The following ERBB4 variants were observed in gnomAD, a reference collection of about 807,000 sequenced individuals.
ERBB4 encodes the protein erb-b2 receptor tyrosine kinase 4, also known as receptor tyrosine-protein kinase erbB-4.
In ERBB4, 42 loss-of-function variants were observed where a neutral mutation model predicts 158.0. The ratio of observed to expected loss-of-function variants is 0.27; its 90% CI spans 0.21 to 0.34. The LOEUF (loss-of-function observed/expected upper bound fraction) is 0.34, where lower values mean the gene tolerates loss of function less well. ERBB4 is among the 10% of genes least tolerant of loss of function. The pLI is 1.00. For synonymous variants in ERBB4, 583 were observed against 558.7 expected (o/e 1.04, Z -0.61); for missense variants, 1,333 against 1,624.1 (o/e 0.82, Z 3.08).
intron 16 of ERBB4, among the ~76,000 whole-genome samples, chr2:211,640,222 T>G (rs75075774): frequency 6.6e-6 from 1 of 152,168 alleles, no homozygotes; most frequent in African/African-American, 2.4e-5. Context: ...GAAGTATCAC[T>G]ACTCTTTATT....
At chr2:211,741,483 T>A (rs2074795600) in intron 5 of ERBB4, among the ~76,000 whole-genome samples, 1 of 87,578 alleles carries the variant, frequency 1.1e-5, no homozygotes, top group Admixed American at 1.1e-4. Context: ...ACACACACAC[T>A]AGATGACAGA....
chr2:211,773,993 A>C (rs976258510), intron 4 of ERBB4, among the ~76,000 whole-genome samples: 2 of 151,922 alleles, frequency 1.3e-5, no homozygotes, highest in African/African-American at 4.8e-5. Flanking sequence ...CGTTGATCAA[A>C]TTACTGGGTC....
chr2:211,715,389 A>T (rs1302291031), intron 7 of ERBB4, among the ~76,000 whole-genome samples: 1 of 152,198 alleles, frequency 6.6e-6, no homozygotes, highest in Non-Finnish European at 1.5e-5. Context: ...TGATTTTGAG[A>T]CTACTCCTTA....
intron 1 of ERBB4, among the ~76,000 whole-genome samples, chr2:212,464,892 T>TCACACACACACACACACACA (rs148243973): frequency 6.8e-6 from 1 of 146,046 alleles, no homozygotes; most frequent in African/African-American, 2.5e-5. Flanking sequence ...AAGGGAAACA[T>TCACACACACACACACACACA]CACACACACA....
intron 1 of ERBB4, among the ~76,000 whole-genome samples, chr2:212,230,499 T>C (rs776330117): frequency 3.3e-5 from 5 of 152,310 alleles, no homozygotes; most frequent in Non-Finnish European, 5.9e-5. Flanking sequence ...AAATTCATTG[T>C]CAAACACCAT....
rs1257294726 is a variant in ERBB4, at chr2:212,486,585, T to C, written c.82+51864A>G. Among the ~76,000 whole-genome samples the C allele has an allele frequency of 4.6e-5, 7 of 152,112 alleles. No individual in the cohort carries two copies. The East Asian group carries it at 9.6e-4, about 21-fold the overall frequency. On this transcript the variant is annotated intron_variant, in intron 1 of 27. Transcript: ENST00000342788. ...TACCTTTTTTACTGTAATGTATTAA[T>C]GATAAAAGAAAAGTAGGAGTTCTAA...
chr2:212,338,282 A>T (rs2088540798), intron 1 of ERBB4, among the ~76,000 whole-genome samples: 1 of 151,906 alleles, frequency 6.6e-6, no homozygotes, highest in Non-Finnish European at 1.5e-5. Context: ...TGGCGGTGAA[A>T]ATGAGTCTGT....
chr2:212,391,615 A>G (rs2090858004), intron 1 of ERBB4, among the ~76,000 whole-genome samples: 1 of 144,768 alleles, frequency 6.9e-6, no homozygotes, highest in Non-Finnish European at 1.5e-5. Context: ...TGTGAATATT[A>G]TATGTCAATA....
At chr2:212,139,656 G>T (rs970284662) in intron 1 of ERBB4, among the ~76,000 whole-genome samples, 3 of 151,866 alleles carry the variant, frequency 2.0e-5, no homozygotes, top group Non-Finnish European at 4.4e-5. Flanking sequence ...GTGAATTTCT[G>T]AGAGTCTAAA....
intron 1 of ERBB4, among the ~76,000 whole-genome samples, chr2:212,143,929 G>T (rs1030895119): frequency 4.0e-5 from 6 of 151,668 alleles, no homozygotes; most frequent in African/African-American, 1.5e-4. Context: ...TGAGGCAGGA[G>T]AATCGCTTGA....
intron 1 of ERBB4, among the ~76,000 whole-genome samples, chr2:212,336,804 T>C (rs1368984145): frequency 6.7e-6 from 1 of 149,812 alleles, no homozygotes; most frequent in Non-Finnish European, 1.5e-5. Context: ...AACCAAGTTT[T>C]CCTCAGGTCA....
chr2:212,206,241 TGG>T (rs754484670), intron 1 of ERBB4, among the ~76,000 whole-genome samples: 1 of 152,088 alleles, frequency 6.6e-6, no homozygotes, highest in African/African-American at 2.4e-5. Flanking sequence ...TGACACAAGC[TGG>T]GGAGGGTGCT....
intron 2 of ERBB4, among the ~76,000 whole-genome samples, chr2:212,066,523 T>C (rs996968718): frequency 6.6e-6 from 1 of 152,028 alleles, no homozygotes; most frequent in African/African-American, 2.4e-5. Context: ...CTTGGAGTTA[T>C]ATTTATATGA....
intron 20 of ERBB4, among the ~76,000 whole-genome samples, chr2:211,484,581 A>C (rs1421433573): frequency 6.6e-6 from 1 of 152,206 alleles, no homozygotes; most frequent in African/African-American, 2.4e-5. Context: ...GACAGAGTAG[A>C]TTTCAGAGCA....
At chr2:211,982,268 AC>A (rs2081821198) in intron 2 of ERBB4, among the ~76,000 whole-genome samples, 1 of 152,174 alleles carries the variant, frequency 6.6e-6, no homozygotes, top group Non-Finnish European at 1.5e-5. Flanking sequence ...CAACTTAGTA[AC>A]AATCAGTGTT....
At chr2:211,528,561 C>G (rs567033347) in intron 20 of ERBB4, among the ~76,000 whole-genome samples, 1 of 152,012 alleles carries the variant, frequency 6.6e-6, no homozygotes, top group South Asian at 2.1e-4. Flanking sequence ...ATACAAATTC[C>G]TTTCCTCAGC....
At chr2:212,479,310 C>CTCTTTA (rs796529920) in intron 1 of ERBB4, among the ~76,000 whole-genome samples, 13 of 151,702 alleles carry the variant, frequency 8.6e-5, no homozygotes, top group African/African-American at 3.1e-4. Flanking sequence ...CTCTTTCTCT[C>CTCTTTA]TCTTTCTCTT....
intron 1 of ERBB4, among the ~76,000 whole-genome samples, chr2:212,407,886 T>A (rs2091392716): frequency 6.6e-6 from 1 of 152,020 alleles, no homozygotes; most frequent in Non-Finnish European, 1.5e-5. Flanking sequence ...GAATATGCAC[T>A]TATTATGTAC....
intron 3 of ERBB4, among the ~76,000 whole-genome samples, chr2:211,847,646 T>C (rs944478746): frequency 2.0e-5 from 3 of 152,018 alleles, no homozygotes; most frequent in Non-Finnish European, 4.4e-5. Context: ...TTTTTTGCAA[T>C]TTTTTTGGCT....
Sources: allele counts gnomAD v4.1 joint callset (sites outside exome capture counted in the v4.1 genomes callset), GRCh38; gene constraint gnomAD v4.1.1; transcripts MANE v1.5; gene names NCBI Gene and HGNC (gene_info 2026-07-23, HGNC 2026-07-21).